The following PCSK6 variants were observed in gnomAD, a reference collection of about 807,000 sequenced individuals.
The protein encoded by PCSK6 is proprotein convertase subtilisin/kexin type 6, also known as paired basic amino acid cleaving enzyme 4.
PCSK6 carries 85 observed loss-of-function variants against 123.3 expected under a neutral mutation model. The ratio of observed to expected loss-of-function variants is 0.69; its 90% CI spans 0.58 to 0.83. PCSK6 has a LOEUF of 0.83. Among genes scored for constraint, PCSK6 ranks in the 40% least tolerant of loss-of-function variants. The probability of loss-of-function intolerance (pLI) is 0.00; values close to 1 mark genes in which losing one functional copy is unlikely to be tolerated. For missense variants in PCSK6, 1,191 were observed against 1,282.3 expected (o/e 0.93, Z 1.09); for synonymous variants, 508 against 516.0 (o/e 0.98, Z 0.21).
chr15:101,366,153 T>G (rs2041380967), intron 13 of PCSK6, 43 bp downstream of exon 13: 1 of 1,579,856 alleles, frequency 6.3e-7, no homozygotes, highest in Non-Finnish European at 8.6e-7. Context: ...AAAAAGAGGC[T>G]TGAGATACAA....
intron 1 of PCSK6, among the ~76,000 whole-genome samples, chr15:101,474,845 G>A (rs182384279): frequency 3.3e-5 from 5 of 152,232 alleles, no homozygotes; most frequent in African/African-American, 7.2e-5. Context: ...CCCAGTCCCC[G>A]GGTACCTCAA....
At chr15:101,370,311 AT>A in intron 12 of PCSK6, 23 bp downstream of exon 12, 1 of 1,494,284 alleles carries the variant, frequency 6.7e-7, no homozygotes, top group Non-Finnish European at 9.0e-7. Flanking sequence ...CCCAGACCCC[AT>A]CCCCACGCCT....
At chr15:101,396,876 T>C (rs960784087) in intron 7 of PCSK6, among the ~76,000 whole-genome samples, 76 of 152,200 alleles carry the variant, frequency 5.0e-4, no homozygotes, top group African/African-American at 1.6e-3. Context: ...CCTTCTCACA[T>C]TTAGTGTCTG....
intron 13 of PCSK6, among the ~76,000 whole-genome samples, chr15:101,345,262 C>G (rs941761223): frequency 2.0e-5 from 3 of 152,150 alleles, no homozygotes; most frequent in African/African-American, 7.2e-5. Flanking sequence ...CACTTGTCTT[C>G]TCTGTTGTTG....
chr15:101,375,625 G>A (rs1310883317), intron 11 of PCSK6, among the ~76,000 whole-genome samples: 1 of 152,206 alleles, frequency 6.6e-6, no homozygotes, highest in Admixed American at 6.5e-5. Context: ...GCACTTTGGT[G>A]TCATGTGTAG....
intron 11 of PCSK6, among the ~76,000 whole-genome samples, chr15:101,374,515 G>A (rs148436363): frequency 3.9e-5 from 6 of 151,980 alleles, no homozygotes; most frequent in Non-Finnish European, 7.4e-5. Flanking sequence ...CTTGCACAAC[G>A]CACTTGCTTT....
intron 6 of PCSK6, among the ~76,000 whole-genome samples, chr15:101,403,539 A>C (rs547097439): frequency 3.0e-4 from 46 of 152,214 alleles, no homozygotes; most frequent in Middle Eastern, 6.8e-3. Flanking sequence ...TGTATGTCAC[A>C]TACACGTTAG....
intron 11 of PCSK6, among the ~76,000 whole-genome samples, chr15:101,374,847 C>T (rs2041687028): frequency 6.6e-6 from 1 of 152,202 alleles, no homozygotes; most frequent in South Asian, 2.1e-4. Flanking sequence ...TTCCAGGATG[C>T]ACGCTCTCAA....
chr15:101,448,485 C>T (rs945934773), intron 1 of PCSK6, among the ~76,000 whole-genome samples: 3 of 152,232 alleles, frequency 2.0e-5, no homozygotes, highest in African/African-American at 4.8e-5. Context: ...TCACCTGTCC[C>T]CCAGCCAGGG....
Position 101,382,106 on chromosome 15 carries a change from C to T in PCSK6, c.1518G>A (p.Ser506=), listed in dbSNP as rs200933196. The T allele has an allele frequency of 6.1e-5, 98 of 1,606,878 alleles. No homozygotes were observed. Among genetic ancestry groups the T allele is most frequent in the Admixed American group, 1.2e-4 (7 of 59,156 alleles). The stretch of plus-strand genomic sequence containing the variant: ...CAGAGCCTTACCTGGGTCTCTTGTC[C>T]GAGGCGGCCACACACATGTGCTGCG... ...VPSQHMCVAA[S]DKRPRSIPLV... Residue 506 remains serine (S), a synonymous_variant, in exon 11 of 22, where the codon TCG becomes TCA. Coordinates refer to ENST00000611716, the MANE Select transcript of PCSK6 (RefSeq NM_002570.5).
intron 9 of PCSK6, among the ~76,000 whole-genome samples, chr15:101,388,092 G>A (rs1019865701): frequency 6.6e-5 from 10 of 152,200 alleles, no homozygotes; most frequent in Non-Finnish European, 1.2e-4. Flanking sequence ...CTCTTTGCAT[G>A]TTTCCAATAA....
chr15:101,365,032 G>A (rs1257589391), intron 13 of PCSK6: 1 of 776,380 alleles, frequency 1.3e-6, no homozygotes, highest in Admixed American at 1.7e-5. Context: ...TGCAACAGGA[G>A]TCTCAAGATC....
intron 7 of PCSK6, among the ~76,000 whole-genome samples, chr15:101,395,318 G>A (rs988863736): frequency 6.6e-6 from 1 of 152,176 alleles, no homozygotes; most frequent in Non-Finnish European, 1.5e-5. Context: ...AAAGTCCAGG[G>A]TGGGCCTGAG....
At chr15:101,368,419 T>C (rs2041465753) in intron 12 of PCSK6, among the ~76,000 whole-genome samples, 1 of 152,152 alleles carries the variant, frequency 6.6e-6, no homozygotes, top group African/African-American at 2.4e-5. Context: ...ACAGTCCTAA[T>C]GTTTACAGAT....
intron 6 of PCSK6, among the ~76,000 whole-genome samples, chr15:101,410,940 C>T (rs1028666036): frequency 1.3e-4 from 20 of 152,188 alleles, no homozygotes; most frequent in South Asian, 4.1e-4. Flanking sequence ...CAACAGCAAT[C>T]GGCAAGAGGT....
At chr15:101,443,753 G>A in intron 1 of PCSK6, 93 bp from the exon 2 acceptor site, 1 of 870,518 alleles carries the variant, frequency 1.1e-6, no homozygotes, top group East Asian at 2.4e-5. Flanking sequence ...CTTATCTGAG[G>A]GGCTCATTCT....
At chr15:101,428,448 C>T (rs1482702200) in intron 5 of PCSK6, among the ~76,000 whole-genome samples, 1 of 152,184 alleles carries the variant, frequency 6.6e-6, no homozygotes, top group African/African-American at 2.4e-5. Context: ...CCTGCCTCAT[C>T]CCCTATGCAC....
intron 2 of PCSK6, among the ~76,000 whole-genome samples, chr15:101,433,986 C>T (rs1290633206): frequency 6.6e-6 from 1 of 152,146 alleles, no homozygotes; most frequent in Non-Finnish European, 1.5e-5. Context: ...AGTTTCACGT[C>T]ACACACTTAA....
intron 1 of PCSK6, among the ~76,000 whole-genome samples, chr15:101,464,520 T>C (rs2057411458): frequency 6.6e-6 from 1 of 152,132 alleles, no homozygotes; most frequent in African/African-American, 2.4e-5. Flanking sequence ...TGCAGAGCTG[T>C]GGTTCTCCAG....
Sources: allele counts gnomAD v4.1 joint callset (sites outside exome capture counted in the v4.1 genomes callset), GRCh38; gene constraint gnomAD v4.1.1; transcripts MANE v1.5; gene names NCBI Gene and HGNC (gene_info 2026-07-23, HGNC 2026-07-21).